The following FBXW10B variants were observed in gnomAD, a reference collection of about 807,000 sequenced individuals.
FBXW10B encodes the protein F-box and WD repeat domain containing 10B.
the FBXW10B span, among the ~76,000 whole-genome samples, chr17:15,568,344 C>T: frequency 6.6e-6 from 1 of 151,556 alleles, no homozygotes; most frequent in African/African-American, 2.4e-5. Flanking sequence ...TCATGAAGCA[C>T]CTCATATGTG....
chr17:15,613,171 T>C, the FBXW10B span, among the ~76,000 whole-genome samples: 2 of 151,664 alleles, frequency 1.3e-5, no homozygotes, highest in Admixed American at 6.6e-5. Flanking sequence ...GGCAAGAAAC[T>C]GAGAAGTAAA....
the FBXW10B span, among the ~76,000 whole-genome samples, chr17:15,582,722 TAAG>T: frequency 6.6e-6 from 1 of 152,074 alleles, no homozygotes; most frequent in Non-Finnish European, 1.5e-5. Context: ...AAAAGAAGAC[TAAG>T]AAGAGACAAA....
At chr17:15,613,970 G>C in the FBXW10B span, 178,083 of 1,384,730 alleles carry the variant, frequency 0.13, 49,972 homozygotes, top group African/African-American at 0.64. Flanking sequence ...GGTTATGTCT[G>C]CTTTTCCAGA....
At chr17:15,584,261 G>T in the FBXW10B span, among the ~76,000 whole-genome samples, 1 of 152,206 alleles carries the variant, frequency 6.6e-6, no homozygotes. Flanking sequence ...ATAAGCCACT[G>T]TGTGTTATAA....
At chr17:15,595,275 G>T in the FBXW10B span, among the ~76,000 whole-genome samples, 1 of 152,092 alleles carries the variant, frequency 6.6e-6, no homozygotes, top group Non-Finnish European at 1.5e-5. Context: ...GGGAGATGGA[G>T]GTTGCAGTGA....
At chr17:15,574,237 G>A in the FBXW10B span, 11 of 668,612 alleles carry the variant, frequency 1.6e-5, no homozygotes, top group Non-Finnish European at 8.0e-6. Flanking sequence ...ATGTGTCTGA[G>A]GTATCACTTA....
At chr17:15,612,065 G>T in the FBXW10B span, among the ~76,000 whole-genome samples, 1 of 152,134 alleles carries the variant, frequency 6.6e-6, no homozygotes, top group Non-Finnish European at 1.5e-5. Context: ...TGGGCTGATG[G>T]GGTTGCTCCT....
chr17:15,601,102 T>C, the FBXW10B span, among the ~76,000 whole-genome samples: 1 of 142,238 alleles, frequency 7.0e-6, no homozygotes, highest in African/African-American at 2.6e-5. Context: ...GTTGATAGGA[T>C]TGTCTACATA....
chr17:15,592,247 G>A, the FBXW10B span, among the ~76,000 whole-genome samples: 5 of 148,504 alleles, frequency 3.4e-5, no homozygotes, highest in Admixed American at 6.7e-5. Context: ...CACTCAAGCC[G>A]AAAGAAAAAC....
the FBXW10B span, among the ~76,000 whole-genome samples, chr17:15,568,545 C>T: frequency 2.0e-5 from 3 of 151,902 alleles, no homozygotes; most frequent in African/African-American, 4.8e-5. Context: ...GTTCCTTCCT[C>T]CTCCACCTAC....
At chr17:15,602,572 A>G in the FBXW10B span, among the ~76,000 whole-genome samples, 1 of 145,280 alleles carries the variant, frequency 6.9e-6, no homozygotes, top group African/African-American at 2.6e-5. Flanking sequence ...ACCCTGATAA[A>G]CTGATATTTT....
chr17:15,592,732 C>T, the FBXW10B span, among the ~76,000 whole-genome samples: 1 of 151,798 alleles, frequency 6.6e-6, no homozygotes, highest in Non-Finnish European at 1.5e-5. Context: ...GCAGGGGCTG[C>T]ACATTGGTAG....
the FBXW10B span, among the ~76,000 whole-genome samples, chr17:15,579,052 A>T: frequency 6.6e-6 from 1 of 151,826 alleles, no homozygotes; most frequent in Non-Finnish European, 1.5e-5. Flanking sequence ...ATCATGATGC[A>T]TGCCTATAAT....
chr17:15,565,663 G>C, the FBXW10B span: 14 of 1,614,244 alleles, frequency 8.7e-6, no homozygotes, highest in African/African-American at 1.2e-4. Flanking sequence ...AACCACTCCA[G>C]TGGACTCCCT....
At chr17:15,576,695 C>T in the FBXW10B span, among the ~76,000 whole-genome samples, 17 of 151,900 alleles carry the variant, frequency 1.1e-4, no homozygotes. Context: ...TGAGAGTGAT[C>T]CATAACATGT....
chr17:15,579,392 T>C, the FBXW10B span, among the ~76,000 whole-genome samples: 3 of 152,184 alleles, frequency 2.0e-5, no homozygotes, highest in African/African-American at 7.2e-5. Context: ...TTGAGACATG[T>C]TCAGAAATAG....
the FBXW10B span, among the ~76,000 whole-genome samples, chr17:15,617,623 G>A: frequency 8.5e-5 from 13 of 152,060 alleles, no homozygotes; most frequent in Admixed American, 2.0e-4. Context: ...GTGAGTTCTC[G>A]CTCTATTAAT....
the FBXW10B span, among the ~76,000 whole-genome samples, chr17:15,615,382 C>A: frequency 7.6e-6 from 1 of 132,238 alleles, no homozygotes; most frequent in East Asian, 2.2e-4. Flanking sequence ...AGTGCAGTGG[C>A]ATGATCTCGG....
At chr17:15,617,621 T>C in the FBXW10B span, among the ~76,000 whole-genome samples, 4 of 152,220 alleles carry the variant, frequency 2.6e-5, no homozygotes, top group African/African-American at 9.6e-5. Flanking sequence ...GAGTGAGTTC[T>C]CGCTCTATTA....
Sources: gnomAD v4.1 joint callset for allele counts (sites outside exome capture counted in the v4.1 genomes callset) on GRCh38, gnomAD v4.1.1 for gene constraint, MANE v1.5 for transcripts, NCBI Gene and HGNC (gene_info 2026-07-23, HGNC 2026-07-21) for gene names.